JPH4: variants seen among roughly 807,000 people sequenced by gnomAD.
The protein encoded by JPH4 is junctophilin 4, also known as junctophilin-4.
Under a neutral mutation model 57.6 loss-of-function variants are expected in JPH4, and 18 were observed. The observed-to-expected ratio is 0.31, with a 90% CI of 0.22 to 0.46. The LOEUF is 0.46. Among genes scored for constraint, JPH4 ranks in the 20% least tolerant of loss-of-function variants. The pLI is 1.00. For synonymous variants in JPH4, 425 were observed against 406.6 expected, an observed-to-expected ratio of 1.05 and a Z score of -0.54; for missense variants, 727 against 911.1, an observed-to-expected ratio of 0.80 and a Z score of 2.60.
Position 23,577,037 on chromosome 14 carries a change from G to A in JPH4, c.379+38C>T, listed in dbSNP as rs748325863. ...GCCCAAGGCTGGGGAAGGCGCACGC[G>A]GACGAGCAGACAGACACTGGTGGGC... is the stretch of plus-strand genomic sequence containing the variant. On this transcript the variant is annotated intron_variant, in intron 2 of 5. Transcript: ENST00000356300. This position sits in a 1 kb window ranked among gnomAD's most constrained non-coding sequence, Gnocchi z 8.4. 3 of 1,464,930 alleles carry A rather than the reference G, an allele frequency of 2.0e-6. No homozygotes were observed. Among genetic ancestry groups the A allele is most frequent in the Non-Finnish European group, 2.7e-6 (3 of 1,113,090 alleles). The allele number at this position is 1,464,930 out of a possible 1,614,324, so 90.7% of individuals were successfully genotyped here. A position where few individuals can be genotyped will look rare whatever the true frequency, so the allele number is the denominator to read the frequency against.
chr14:23,571,376 G>T lies in JPH4; in HGVS notation c.1355C>A (p.Thr452Asn). ...CAGTTCAGGGGATCCCTCTGAGGGG[G>T]TCAGTCCGTTCTCATATACCCCAGG... is the stretch of plus-strand genomic sequence containing the variant. ...DSPGVYENGL[T>N]PSEGSPELPS... The change falls in exon 5 of 6, where the codon ACC becomes AAC. Residue 452 changes from threonine (T) to asparagine (N), a missense_variant. Physicochemically the swap from Thr to Asn is moderately conservative, Grantham distance 65 (BLOSUM62 0). Transcript: ENST00000356300. The surrounding 1 kb of genome is among the most constrained non-coding windows in gnomAD (Gnocchi z 4.6). The T allele has an allele frequency of 1.2e-6, 2 of 1,600,878 alleles. No individual in the cohort carries two copies. The highest frequency in any genetic ancestry group is 1.7e-6 in the Non-Finnish European group (2 of 1,179,372).
Position 23,571,338 on chromosome 14 carries a change from C to T in JPH4, c.1393G>A (p.Ala465Thr), listed in dbSNP as rs748718100. ...EGSPELPSSPASSRQPWRPPA... is the reference protein window; with the variant it reads ...EGSPELPSSPTSSRQPWRPPA... Reference sequence around the variant, plus strand: ...GGTCGCCAGGGTTGGCGGGAGGAGGCAGGACTGCTGGGCAGTTCAGGGGAT... The same window carrying T: ...GGTCGCCAGGGTTGGCGGGAGGAGGTAGGACTGCTGGGCAGTTCAGGGGAT... The change falls in exon 5 of 6, where the codon GCC (alanine) becomes ACC (threonine). Residue 465 changes from alanine (A) to threonine (T), a missense_variant. By Grantham distance (58) the Ala-to-Thr change is moderately conservative. This residue lies in a region of JPH4 where 293 missense variants were observed against 279.8 expected (regional missense o/e 1.05). Coordinates refer to ENST00000356300, the MANE Select transcript of JPH4 (RefSeq NM_001146028.2). The surrounding 1 kb of genome is among the most constrained non-coding windows in gnomAD (Gnocchi z 4.6). 130 of 1,597,184 alleles carry T rather than the reference C, an allele frequency of 8.1e-5. No individual in the cohort carries two copies. The highest frequency in any genetic ancestry group is 1.1e-4 in the Non-Finnish European group (126 of 1,174,868).
chr14:23,572,010 C>G, intron 3 of JPH4, 90 bp from the exon 4 acceptor site: 2 of 1,104,638 alleles, frequency 1.8e-6, no homozygotes, highest in Non-Finnish European at 2.7e-6. Flanking sequence ...GCCCCTGTCC[C>G]CTCTACATCA....
rs1566680332 is a variant in JPH4, at chr14:23,576,324, G to A, written c.512C>T (p.Pro171Leu). Reference sequence around the variant, plus strand: ...CAAGGGCAGGGGCGGGGGTGGCGTCGGGGGGTCGCTGTGGCCGGAATCCAG... The same window carrying A: ...CAAGGGCAGGGGCGGGGGTGGCGTCAGGGGGTCGCTGTGGCCGGAATCCAG... ...TSLDSGHSDPPTPPPPLPLPG... is the reference protein window; with the variant it reads ...TSLDSGHSDPLTPPPPLPLPG... Residue 171 changes from proline (P) to leucine (L), a missense_variant, in exon 3 of 6, where the codon CCG (proline) becomes CTG (leucine). By Grantham distance (98) the Pro-to-Leu change is moderately conservative. Coordinates refer to ENST00000356300, the MANE Select transcript of JPH4 (RefSeq NM_001146028.2). This position sits in a 1 kb window ranked among gnomAD's most constrained non-coding sequence, Gnocchi z 8.0. The A allele has an allele frequency of 5.4e-6, 7 of 1,291,778 alleles. No individual in the cohort carries two copies. The highest frequency in any genetic ancestry group is 6.8e-6 in the Non-Finnish European group (7 of 1,022,544). 80.0% of individuals were successfully genotyped at this position (1,291,778 alleles called of 1,614,324 possible).
chr14:23,576,299 C>A lies in JPH4; in HGVS notation c.537G>T (p.Leu179Phe). ...CGGGGCTGCCTCCCTCGTCGCCCGG[C>A]AAGGGCAGGGGCGGGGGTGGCGTCG... ...DPPTPPPPLPLPGDEGGSPAS... is the reference protein window; with the variant it reads ...DPPTPPPPLPFPGDEGGSPAS... Residue 179 changes from leucine to phenylalanine, a missense_variant, in exon 3 of 6, where the codon TTG (leucine) becomes TTT (phenylalanine). Transcript: ENST00000356300. The surrounding 1 kb of genome is among the most constrained non-coding windows in gnomAD (Gnocchi z 8.0). The A allele has an allele frequency of 7.9e-7, 1 of 1,268,162 alleles. No individual in the cohort carries two copies. Among genetic ancestry groups the A allele is most frequent in the Non-Finnish European group, 9.9e-7 (1 of 1,008,640 alleles). The allele number at this position is 1,268,162 out of a possible 1,614,324, so 78.6% of individuals were successfully genotyped here.
rs573750774 is a variant in JPH4 at position 23,575,427 on chromosome 14, A to C, written c.1151+258T>G. On this transcript the variant is annotated intron_variant, in intron 3 of 5. Transcript: ENST00000356300. The surrounding 1 kb of genome is among the most constrained non-coding windows in gnomAD (Gnocchi z 6.9). ...GGATTCCATAGACATGCATCTCCAC[A>C]CAAAAGACACCGAGACACATTTACA... is the stretch of plus-strand genomic sequence containing the variant. 1 of 571,692 alleles carries C rather than the reference A, an allele frequency of 1.7e-6. No individual in the cohort carries two copies. Among genetic ancestry groups the C allele is most frequent in the Non-Finnish European group, 3.1e-6 (1 of 319,684 alleles). The allele number at this position is 571,692 out of a possible 1,614,324, so 35.4% of individuals were successfully genotyped here. A position where few individuals can be genotyped will look rare whatever the true frequency, so the allele number is the denominator to read the frequency against.
At position 23,571,232 on chromosome 14, in the gene JPH4, C is replaced by T. The variant is rs754920443; in HGVS notation, c.1499G>A (p.Gly500Glu). 6 of 1,611,968 alleles carry T rather than the reference C, an allele frequency of 3.7e-6. No homozygotes were observed. The highest frequency in any genetic ancestry group is 1.7e-4 in the Middle Eastern group (1 of 6,048). The change falls in exon 5 of 6, where the codon GGG becomes GAG. Residue 500 changes from glycine (G) to glutamate (E), a missense_variant. Around this residue, in one of 7 missense-constraint regions of JPH4, gnomAD observed 293 missense variants for 279.8 expected, o/e 1.05. Coordinates refer to ENST00000356300, the MANE Select transcript of JPH4 (RefSeq NM_001146028.2). The surrounding 1 kb of genome is among the most constrained non-coding windows in gnomAD (Gnocchi z 4.6). The stretch of plus-strand genomic sequence containing the variant: ...TTCCTCTGCCTGTGCGCCTGCCCCC[C>T]CCCACTCCTCAGGCCAAGCTTTGGG... ...SSPKAWPEEWGGAGAQAEELA... is the reference protein window; with the variant it reads ...SSPKAWPEEWEGAGAQAEELA...
In JPH4 at chr14:23,576,058, A is replaced by G; in HGVS notation, c.778T>C (p.Ser260Pro). 1 of 1,317,316 alleles carries G rather than the reference A, an allele frequency of 7.6e-7. No homozygotes were observed. The highest frequency in any genetic ancestry group is 9.6e-7 in the Non-Finnish European group (1 of 1,038,906). The allele number at this position is 1,317,316 out of a possible 1,614,324, so 81.6% of individuals were successfully genotyped here. The change falls in exon 3 of 6, where the codon TCG becomes CCG. Residue 260 changes from serine to proline, a missense_variant. Physicochemically the swap from Ser to Pro is moderately conservative, Grantham distance 74. This residue lies in a region of JPH4 where 131 missense variants were observed against 156.5 expected (regional missense o/e 0.84). Coordinates refer to ENST00000356300, the MANE Select transcript of JPH4 (RefSeq NM_001146028.2). The surrounding 1 kb of genome is among the most constrained non-coding windows in gnomAD (Gnocchi z 8.0). ...GCGGCCGGGGGCCCGCTGGCCTCCG[A>G]GCCGGGCGGTCCGGTGCTGCCCACC... ...SEVGSTGPPG[S>P]EASGPPAAAP...
chr14:23,576,291 T>C lies in JPH4; in HGVS notation c.545A>G (p.Asp182Gly), dbSNP rs1014239871. 1.4e-4 allele frequency: 174 copies of C among 1,265,236 alleles called. No homozygotes were observed. Among genetic ancestry groups the C allele is most frequent in the Non-Finnish European group, 1.1e-4 (115 of 1,006,992 alleles). The allele number at this position is 1,265,236 out of a possible 1,614,324, so 78.4% of individuals were successfully genotyped here. A position where few individuals can be genotyped will look rare whatever the true frequency, so the allele number is the denominator to read the frequency against. Reference sequence around the variant, plus strand: ...GCCCGAGGCGGGGCTGCCTCCCTCGTCGCCCGGCAAGGGCAGGGGCGGGGG... The same window carrying C: ...GCCCGAGGCGGGGCTGCCTCCCTCGCCGCCCGGCAAGGGCAGGGGCGGGGG... ...TPPPPLPLPG[D>G]EGGSPASGSR... Residue 182 changes from aspartate (D) to glycine (G), a missense_variant, in exon 3 of 6, where the codon GAC (aspartate) becomes GGC (glycine). Coordinates refer to ENST00000356300, the MANE Select transcript of JPH4 (RefSeq NM_001146028.2). This position sits in a 1 kb window ranked among gnomAD's most constrained non-coding sequence, Gnocchi z 8.0.
At position 23,577,119 on chromosome 14, in the gene JPH4, T is replaced by A. The variant is rs1222732782; in HGVS notation, c.335A>T (p.Asp112Val). The A allele has an allele frequency of 6.4e-7, 1 of 1,564,334 alleles. No individual in the cohort carries two copies. The change falls in exon 2 of 6, where the codon GAC becomes GTC. Residue 112 changes from aspartate to valine, a missense_variant. Transcript: ENST00000356300. The surrounding 1 kb of genome is among the most constrained non-coding windows in gnomAD (Gnocchi z 8.4). ...SGLRYAGLWK[D>V]GFQDGYGTET... ...AGTGCCGTAGCCGTCCTGGAAACCGTCCTTCCAGAGCCCGGCGTAGCGCAG... is the reference window on the plus strand; with the variant it reads ...AGTGCCGTAGCCGTCCTGGAAACCGACCTTCCAGAGCCCGGCGTAGCGCAG...
Position 23,578,418 on chromosome 14 carries a change from A to T in JPH4, c.-410T>A, listed in dbSNP as rs1889331371. On this transcript the variant is annotated 5_prime_UTR_variant, in exon 1 of 6. Coordinates refer to ENST00000356300, the MANE Select transcript of JPH4 (RefSeq NM_001146028.2). ...AGATGAGAATAGTGTAGGGGAAAAA[A>T]TCTGCCTTGGATGGAGATAGGGAAG... The T allele has an allele frequency of 6.7e-6, 1 of 149,280 alleles. No individual in the cohort carries two copies. The highest frequency in any genetic ancestry group is 6.7e-5 in the Admixed American group (1 of 14,974). The allele number at this position is 149,280 out of a possible 1,614,324, so 9.2% of individuals were successfully genotyped here. A position where few individuals can be genotyped will look rare whatever the true frequency, so the allele number is the denominator to read the frequency against.
chr14:23,577,264 G>A lies in JPH4; in HGVS notation c.190C>T (p.His64Tyr). 6.5e-7 allele frequency: 1 copy of A among 1,537,532 alleles called. No individual in the cohort carries two copies. Among genetic ancestry groups the A allele is most frequent in the Non-Finnish European group, 8.7e-7 (1 of 1,145,178 alleles). ...TGPGGHSYQG[H>Y]WQQGKREGLG... is the part of the protein sequence containing the mutation. Reference sequence around the variant, plus strand: ...CCTTCGCGCTTGCCCTGCTGCCAGTGGCCCTGGTAGCTGTGTCCGCCGGGC... The same window carrying A: ...CCTTCGCGCTTGCCCTGCTGCCAGTAGCCCTGGTAGCTGTGTCCGCCGGGC... Residue 64 changes from histidine to tyrosine, a missense_variant, in exon 2 of 6, where the codon CAC becomes TAC. Around this residue, in one of 7 missense-constraint regions of JPH4, gnomAD observed 83 missense variants for 135.4 expected, o/e 0.61. Coordinates refer to ENST00000356300, the MANE Select transcript of JPH4 (RefSeq NM_001146028.2). This position sits in a 1 kb window ranked among gnomAD's most constrained non-coding sequence, Gnocchi z 8.4.
chr14:23,572,726 G>A (rs1252981839), intron 3 of JPH4: 22 of 594,810 alleles, frequency 3.7e-5, no homozygotes, highest in Non-Finnish European at 5.7e-5. Context: ...CTCCCCTTTC[G>A]GTAATGATCC....
At chr14:23,573,931 C>T (rs1013863018) in intron 3 of JPH4, among the ~76,000 whole-genome samples, 1 of 142,452 alleles carries the variant, frequency 7.0e-6, no homozygotes, top group Non-Finnish European at 1.5e-5. Flanking sequence ...CTTTCTCTCT[C>T]TCTGTAACAC....
At position 23,575,682 on chromosome 14, in the gene JPH4, C is replaced by T; in HGVS notation, c.1151+3G>A. The T allele has an allele frequency of 1.9e-6, 3 of 1,598,532 alleles. No homozygotes were observed. The highest frequency in any genetic ancestry group is 8.5e-7 in the Non-Finnish European group (1 of 1,174,004). On this transcript the variant is annotated splice_donor_region_variant and intron_variant, in intron 3 of 5. Transcript: ENST00000356300. This position sits in a 1 kb window ranked among gnomAD's most constrained non-coding sequence, Gnocchi z 6.9. ...AGCTTTGGCCTCTGAACTGGACGCC[C>T]ACCTGGCAGCGGCGATCTCCTGGCG... is the stretch of plus-strand genomic sequence containing the variant.
intron 3 of JPH4, among the ~76,000 whole-genome samples, chr14:23,573,282 G>C (rs142177145): frequency 6.6e-6 from 1 of 152,192 alleles, no homozygotes; most frequent in Non-Finnish European, 1.5e-5. Context: ...CTCAGATAAC[G>C]TGGCTCTTCT....
At chr14:23,573,937 AACACACACAC>A (rs35127620) in intron 3 of JPH4, among the ~76,000 whole-genome samples, 6 of 143,090 alleles carry the variant, frequency 4.2e-5, no homozygotes, top group Admixed American at 7.1e-5. Flanking sequence ...CTCTCTCTGT[AACACACACAC>A]ACACACACAC....
chr14:23,572,026 T>C lies in JPH4; in HGVS notation c.1152-106A>G, dbSNP rs1033653334. The C allele has an allele frequency of 8.4e-6, 8 of 953,572 alleles. No homozygotes were observed. In the African/African-American group the frequency reaches 1.3e-4, roughly 15 times the overall value. 59.1% of individuals were successfully genotyped at this position (953,572 alleles called of 1,614,324 possible). A position where few individuals can be genotyped will look rare whatever the true frequency, so the allele number is the denominator to read the frequency against. On this transcript the variant is annotated intron_variant, in intron 3 of 5. Coordinates refer to ENST00000356300, the MANE Select transcript of JPH4 (RefSeq NM_001146028.2). ...CCCCTGTCCCCTCTACATCACATCC[T>C]CCTCTCCTCTGGAGTCGTCACCCTT...
At position 23,569,492 on chromosome 14, in the gene JPH4, A is replaced by G. The variant is rs912014005; in HGVS notation, c.*142T>C. On this transcript the variant is annotated 3_prime_UTR_variant, in exon 6 of 6. Transcript: ENST00000356300. The surrounding 1 kb of genome is among the most constrained non-coding windows in gnomAD (Gnocchi z 4.8). ...CAGGGAAAGAAAAAGCGAGAGAAAA[A>G]AACAAAGGAGCACAGAAAAGAAAGG... 1 of 682,682 alleles carries G rather than the reference A, an allele frequency of 1.5e-6. No individual in the cohort carries two copies. Among genetic ancestry groups the G allele is most frequent in the East Asian group, 2.7e-5 (1 of 36,860 alleles). 42.3% of individuals were successfully genotyped at this position (682,682 alleles called of 1,614,324 possible). A position where few individuals can be genotyped will look rare whatever the true frequency, so the allele number is the denominator to read the frequency against.
Sources: allele counts gnomAD v4.1 joint callset (sites outside exome capture counted in the v4.1 genomes callset), GRCh38; gene constraint gnomAD v4.1.1; regional missense constraint gnomAD v4.1.1; non-coding constraint Gnocchi (gnomAD v3.1); transcripts MANE v1.5; gene names NCBI Gene and HGNC (gene_info 2026-07-23, HGNC 2026-07-21).